The following ZZZ3 variants were observed in gnomAD, a reference collection of about 807,000 sequenced individuals.
ZZZ3 encodes zinc finger ZZ-type containing 3, also known as ZZ-type zinc finger-containing protein 3.
In ZZZ3, 22 loss-of-function variants were observed where a neutral mutation model predicts 95.2. The ratio of observed to expected loss-of-function variants is 0.23; its 90% CI spans 0.17 to 0.33. The LOEUF is 0.33. ZZZ3 is among the 10% of genes least tolerant of loss of function. ZZZ3 has a pLI of 1.00. For synonymous variants in ZZZ3, 335 were observed against 358.9 expected, an observed-to-expected ratio of 0.93 and a Z score of 0.75; for missense variants, 885 against 1,066.5, an observed-to-expected ratio of 0.83 and a Z score of 2.37.
intron 1 of ZZZ3, among the ~76,000 whole-genome samples, chr1:77,681,749 G>C (rs533493580): frequency 8.0e-4 from 121 of 152,030 alleles, no homozygotes; most frequent in African/African-American, 2.7e-3. Flanking sequence ...AAAATTAGCC[G>C]GGCGTGGTGA....
At chr1:77,583,269 T>C (rs1382942240) in intron 6 of ZZZ3, among the ~76,000 whole-genome samples, 1 of 152,108 alleles carries the variant, frequency 6.6e-6, no homozygotes, top group Non-Finnish European at 1.5e-5. Context: ...GTTAACAAAT[T>C]TTTCATTAGT....
chr1:77,648,012 A>G (rs1669449170), intron 1 of ZZZ3, among the ~76,000 whole-genome samples: 1 of 152,202 alleles, frequency 6.6e-6, no homozygotes, highest in Non-Finnish European at 1.5e-5. Flanking sequence ...GGGAATTAAA[A>G]AAAATCCAGC....
At chr1:77,592,587 C>G (rs1040522597) in intron 5 of ZZZ3, among the ~76,000 whole-genome samples, 1 of 152,116 alleles carries the variant, frequency 6.6e-6, no homozygotes, top group Non-Finnish European at 1.5e-5. Flanking sequence ...CAGGCGTGAA[C>G]AACCGTGCCC....
chr1:77,673,879 A>C (rs1350782069), intron 1 of ZZZ3, among the ~76,000 whole-genome samples: 1 of 152,194 alleles, frequency 6.6e-6, no homozygotes, highest in East Asian at 1.9e-4. Flanking sequence ...GTATCATAAA[A>C]ATTAGAATGG....
intron 5 of ZZZ3, among the ~76,000 whole-genome samples, chr1:77,612,835 T>C (rs1430174135): frequency 6.6e-6 from 1 of 151,894 alleles, no homozygotes. Context: ...GGATACAAAA[T>C]TGTAGATACC....
Position 77,582,006 on chromosome 1 carries a change from T to C in ZZZ3, c.1765A>G (p.Arg589Gly). 3 of 1,607,046 alleles carry C rather than the reference T, an allele frequency of 1.9e-6. No homozygotes were observed. The highest frequency in any genetic ancestry group is 2.6e-6 in the Non-Finnish European group (3 of 1,174,428). Reference sequence around the variant, plus strand: ...TTATCAAAAACTAGCTTAACTCTTCTAGTATGTCTTTTACGATTTTTAAAT... The same window carrying C: ...TTATCAAAAACTAGCTTAACTCTTCCAGTATGTCTTTTACGATTTTTAAAT... The part of the protein sequence containing the change: ...REFKNRKRHT[R>G]RVKLVFDKVG... The change falls in exon 7 of 15, where the codon AGA (arginine) becomes GGA (glycine). Residue 589 changes from arginine to glycine, a missense_variant. Physicochemically the swap from Arg to Gly is moderately radical, Grantham distance 125 (BLOSUM62 -2). This residue lies in a region of ZZZ3 where 99 missense variants were observed against 119.8 expected (regional missense o/e 0.83). Transcript: ENST00000370801.
At chr1:77,604,291 C>T (rs549977952) in intron 5 of ZZZ3, among the ~76,000 whole-genome samples, 3 of 152,268 alleles carry the variant, frequency 2.0e-5, no homozygotes, top group Non-Finnish European at 4.4e-5. Flanking sequence ...CCAAGTGATT[C>T]TAATATGCAG....
chr1:77,679,368 C>G (rs1411328752), intron 1 of ZZZ3, among the ~76,000 whole-genome samples: 1 of 152,188 alleles, frequency 6.6e-6, no homozygotes, highest in Non-Finnish European at 1.5e-5. Context: ...TGCAATGGTG[C>G]AATCACAGCT....
chr1:77,639,827 C>A (rs1223404492), intron 3 of ZZZ3, among the ~76,000 whole-genome samples: 1 of 151,208 alleles, frequency 6.6e-6, no homozygotes, highest in African/African-American at 2.4e-5. Flanking sequence ...TATACCAAAT[C>A]CTTACAACTC....
chr1:77,669,588 G>C (rs545279519), intron 1 of ZZZ3, among the ~76,000 whole-genome samples: 4 of 151,576 alleles, frequency 2.6e-5, no homozygotes, highest in Non-Finnish European at 5.9e-5. Flanking sequence ...CTCCAGAGTA[G>C]CTGGAATTAC....
chr1:77,647,658 A>G (rs1669412294), intron 1 of ZZZ3, among the ~76,000 whole-genome samples: 1 of 152,238 alleles, frequency 6.6e-6, no homozygotes, highest in Admixed American at 6.5e-5. Flanking sequence ...TGATTTAATT[A>G]TGCTTATATA....
intron 12 of ZZZ3, 120 bp downstream of exon 12, chr1:77,575,948 A>T: frequency 1.3e-6 from 1 of 777,892 alleles, no homozygotes; most frequent in Non-Finnish European, 1.9e-6. Context: ...TTACTTAAAA[A>T]CTATACATTT....
chr1:77,626,334 C>T (rs1048515996), intron 5 of ZZZ3, among the ~76,000 whole-genome samples: 2 of 152,112 alleles, frequency 1.3e-5, no homozygotes, highest in Non-Finnish European at 2.9e-5. Flanking sequence ...TTCTATTATC[C>T]TTATTATTCC....
At chr1:77,598,832 T>C (rs1447066327) in intron 5 of ZZZ3, among the ~76,000 whole-genome samples, 1 of 152,176 alleles carries the variant, frequency 6.6e-6, no homozygotes, top group Non-Finnish European at 1.5e-5. Flanking sequence ...ATTTCCCATG[T>C]TGTAAAACCT....
At chr1:77,566,297 C>A in intron 13 of ZZZ3, 116 bp from the exon 14 acceptor site, 1 of 686,012 alleles carries the variant, frequency 1.5e-6, no homozygotes, top group Non-Finnish European at 2.4e-6. Flanking sequence ...TCTCCATGCA[C>A]AGGACAGTAA....
In ZZZ3 at chr1:77,623,325, T is replaced by C. The variant is rs565830289; in HGVS notation, c.1505+8525A>G. Among the ~76,000 whole-genome samples, 11 of 152,224 alleles carry C rather than the reference T, an allele frequency of 7.2e-5. No individual in the cohort carries two copies. The East Asian group carries it at 1.5e-3, about 21-fold the overall frequency. ...CAACACAGAAAGACAAACAATGCTA[T>C]CTGCATAGAGGTCCTCTTGAGTCTG... On this transcript the variant is annotated intron_variant, in intron 5 of 14. Transcript: ENST00000370801.
chr1:77,572,593 C>T (rs1661508240), intron 12 of ZZZ3, among the ~76,000 whole-genome samples: 1 of 151,978 alleles, frequency 6.6e-6, no homozygotes, highest in African/African-American at 2.4e-5. Flanking sequence ...CTGCCTCGGC[C>T]TCCCAAAATG....
upstream of ZZZ3, among the ~76,000 whole-genome samples, chr1:77,682,896 A>G (rs1672926775): frequency 1.3e-5 from 2 of 152,112 alleles, no homozygotes; most frequent in South Asian, 4.1e-4. Flanking sequence ...TCCGATTACC[A>G]CGATTATACT....
intron 5 of ZZZ3, among the ~76,000 whole-genome samples, chr1:77,595,597 A>AT (rs1041484337): frequency 2.6e-5 from 4 of 152,052 alleles, no homozygotes; most frequent in African/African-American, 7.2e-5. Flanking sequence ...TCCACAGATT[A>AT]TTGTGAAGCA....
Sources: gnomAD v4.1 joint callset for allele counts (sites outside exome capture counted in the v4.1 genomes callset) on GRCh38, gnomAD v4.1.1 for gene constraint, gnomAD v4.1.1 regional missense constraint, MANE v1.5 for transcripts, NCBI Gene and HGNC (gene_info 2026-07-23, HGNC 2026-07-21) for gene names.